Variants in KCNK10 observed in about 807,000 individuals in gnomAD.
KCNK10 encodes potassium channel subfamily K member 10.
In KCNK10, 25 loss-of-function variants were observed where a neutral mutation model predicts 47.7. That is an observed-to-expected ratio of 0.52 (90% CI 0.38 to 0.73). The LOEUF (loss-of-function observed/expected upper bound fraction) is 0.73. Ranked by LOEUF, KCNK10 falls within the 30% of genes least tolerant of loss-of-function variation. The probability of loss-of-function intolerance (pLI) is 0.00; values close to 1 mark genes in which losing one functional copy is unlikely to be tolerated. For missense variants in KCNK10, 563 were observed against 714.5 expected (o/e 0.79, Z 2.42); for synonymous variants, 303 against 285.6 (o/e 1.06, Z -0.61).
chr14:88,314,086 C>T (rs117059950), intron 1 of KCNK10, among the ~76,000 whole-genome samples: 3,544 of 152,212 alleles, frequency 0.023, 47 homozygotes, highest in African/African-American at 0.035. Flanking sequence ...AAAACTAATG[C>T]TAGGAAAGGT....
intron 2 of KCNK10, among the ~76,000 whole-genome samples, chr14:88,250,991 T>C (rs1012242363): frequency 6.6e-6 from 1 of 152,062 alleles, no homozygotes; most frequent in East Asian, 1.9e-4. Context: ...TCCCAGCACT[T>C]TGGGAGGCCG....
At chr14:88,283,023 A>G (rs890154112) in intron 1 of KCNK10, among the ~76,000 whole-genome samples, 6 of 152,236 alleles carry the variant, frequency 3.9e-5, no homozygotes, top group African/African-American at 1.2e-4. Flanking sequence ...TGAGCTAGAA[A>G]TGTCCTTGCA....
intron 1 of KCNK10, among the ~76,000 whole-genome samples, chr14:88,290,741 C>A (rs116271381): frequency 3.3e-5 from 5 of 152,322 alleles, no homozygotes; most frequent in Non-Finnish European, 7.4e-5. Flanking sequence ...TGAGAAAATT[C>A]TTGCCAATGT....
intron 4 of KCNK10, among the ~76,000 whole-genome samples, chr14:88,198,805 A>C (rs1418142063): frequency 6.6e-6 from 1 of 152,208 alleles, no homozygotes; most frequent in Non-Finnish European, 1.5e-5. Context: ...TTGTATTAGG[A>C]AACTCATCTT....
chr14:88,298,688 C>T (rs1009391243), intron 1 of KCNK10, among the ~76,000 whole-genome samples: 1 of 152,206 alleles, frequency 6.6e-6, no homozygotes, highest in African/African-American at 2.4e-5. Context: ...TGCAGTTTCT[C>T]CCTAAGAGTA....
chr14:88,188,130 C>T (rs773687968), intron 5 of KCNK10, 21 bp from the exon 6 acceptor site: 3 of 1,613,616 alleles, frequency 1.9e-6, no homozygotes, highest in Admixed American at 3.3e-5. Context: ...CCAAATGTTA[C>T]TTTAACCATG....
upstream of KCNK10, among the ~76,000 whole-genome samples, chr14:88,324,153 T>C (rs1888613918): frequency 6.6e-6 from 1 of 152,222 alleles, no homozygotes; most frequent in Non-Finnish European, 1.5e-5. Flanking sequence ...GGCCCCGGGA[T>C]CCTGGGACCA....
At chr14:88,266,199 G>T (rs1321326668) in intron 1 of KCNK10, among the ~76,000 whole-genome samples, 2 of 152,202 alleles carry the variant, frequency 1.3e-5, no homozygotes, top group Non-Finnish European at 2.9e-5. Flanking sequence ...AAGGGTGGAA[G>T]GAATGCTGGC....
intron 1 of KCNK10, among the ~76,000 whole-genome samples, chr14:88,264,764 G>A (rs546275200): frequency 2.6e-5 from 4 of 152,266 alleles, no homozygotes; most frequent in South Asian, 4.2e-4. Context: ...TTACACAAAC[G>A]CAAAATTGCC....
At chr14:88,300,763 G>T (rs1036697372) in intron 1 of KCNK10, among the ~76,000 whole-genome samples, 1 of 152,170 alleles carries the variant, frequency 6.6e-6, no homozygotes, top group Non-Finnish European at 1.5e-5. Flanking sequence ...TTCTTTTAAA[G>T]AACTCACCTA....
chr14:88,247,944 G>A (rs147920821), intron 2 of KCNK10, among the ~76,000 whole-genome samples: 60 of 152,210 alleles, frequency 3.9e-4, no homozygotes, highest in Non-Finnish European at 7.5e-4. Context: ...TTTAAACCAC[G>A]AGGAAAGTAT....
At chr14:88,195,104 C>T (rs986942450) in intron 4 of KCNK10, among the ~76,000 whole-genome samples, 8 of 151,940 alleles carry the variant, frequency 5.3e-5, no homozygotes, top group East Asian at 1.9e-4. Flanking sequence ...TCTCATGTGC[C>T]GTGTGGTGAT....
chr14:88,213,692 T>C (rs1885528768), intron 4 of KCNK10, among the ~76,000 whole-genome samples: 1 of 152,030 alleles, frequency 6.6e-6, no homozygotes, highest in Non-Finnish European at 1.5e-5. Context: ...CCCATAAAAT[T>C]TTCTAGATAG....
At chr14:88,213,557 T>C (rs1185993842) in intron 4 of KCNK10, among the ~76,000 whole-genome samples, 1 of 152,218 alleles carries the variant, frequency 6.6e-6, no homozygotes, top group Admixed American at 6.5e-5. Context: ...ACCTAAAGCA[T>C]CACTAGACTT....
At chr14:88,320,633 C>T (rs1423354111) in intron 1 of KCNK10, among the ~76,000 whole-genome samples, 1 of 152,118 alleles carries the variant, frequency 6.6e-6, no homozygotes, top group East Asian at 1.9e-4. Flanking sequence ...AATTCCTTCA[C>T]TTCACTTCCA....
Position 88,188,110 on chromosome 14 carries a change from CT to C in KCNK10, c.869-2del. 6.2e-7 allele frequency: 1 copy of C among 1,614,162 alleles called. No individual in the cohort carries two copies. The highest frequency in any genetic ancestry group is 8.5e-7 in the Non-Finnish European group (1 of 1,180,016). On this transcript the variant is annotated splice_acceptor_variant, in intron 5 of 6. Transcript: ENST00000319231. LOFTEE classifies it high-confidence loss of function. ...CGATAATTGATGCCAGCGTTTCCCC[CT>C]GAAAACAACCAAATGTTACTTTAAC... is the stretch of plus-strand genomic sequence containing the variant.
chr14:88,254,445 C>A (rs17691132), intron 2 of KCNK10, among the ~76,000 whole-genome samples: 4,479 of 152,256 alleles, frequency 0.029, 99 homozygotes, highest in Middle Eastern at 0.041. Flanking sequence ...GCCATGGGAC[C>A]ACTCGAGCTC....
chr14:88,265,606 T>C (rs1018682277), intron 1 of KCNK10, among the ~76,000 whole-genome samples: 5 of 152,226 alleles, frequency 3.3e-5, no homozygotes, highest in African/African-American at 1.2e-4. Flanking sequence ...CCCCAGGAAA[T>C]GAATCTGCCC....
chr14:88,315,566 A>G (rs1485296032), intron 1 of KCNK10, among the ~76,000 whole-genome samples: 2 of 152,164 alleles, frequency 1.3e-5, no homozygotes, highest in Admixed American at 6.5e-5. Flanking sequence ...CATGCTAAAT[A>G]TTTGGTGTGT....
Sources: allele counts gnomAD v4.1 joint callset (sites outside exome capture counted in the v4.1 genomes callset), GRCh38; gene constraint gnomAD v4.1.1; transcripts MANE v1.5; gene names NCBI Gene and HGNC (gene_info 2026-07-23, HGNC 2026-07-21).